Variants in SETD2 observed in about 807,000 individuals in gnomAD.
The protein encoded by SETD2 is histone-lysine N-methyltransferase SETD2.
A neutral mutation model predicts 242.1 loss-of-function variants in SETD2; 31 were observed. The observed-to-expected ratio is 0.13, with a 90% CI of 0.10 to 0.17. The LOEUF is 0.17. SETD2 is among the 10% of genes least tolerant of loss of function. SETD2 has a pLI of 1.00. For synonymous variants in SETD2, 1,006 were observed against 1,066.5 expected (o/e 0.94, Z 1.11); for missense variants, 2,481 against 3,046.3 (o/e 0.81, Z 4.37).
chr3:47,063,638 G>A (rs575572531), intron 13 of SETD2, among the ~76,000 whole-genome samples: 2 of 152,202 alleles, frequency 1.3e-5, no homozygotes, highest in East Asian at 3.9e-4. Context: ...CTCCAAAGCT[G>A]TCCTAAGTAC....
intron 15 of SETD2, among the ~76,000 whole-genome samples, chr3:47,053,015 C>T (rs1050297785): frequency 2.0e-5 from 3 of 151,790 alleles, no homozygotes; most frequent in Non-Finnish European, 4.4e-5. Context: ...TCAGCCTCCC[C>T]AGTAGCTGGT....
chr3:47,083,892 T>G lies in SETD2; in HGVS notation c.5888A>C (p.Lys1963Thr). 1 of 1,614,172 alleles carries G rather than the reference T, an allele frequency of 6.2e-7. No homozygotes were observed. The highest frequency in any genetic ancestry group is 8.5e-7 in the Non-Finnish European group (1 of 1,180,012). The part of the protein sequence containing the change: ...EPEADAEIEP[K>T]ESNGTKLEEP... The stretch of plus-strand genomic sequence containing the variant: ...TTCTAGTTTTGTGCCGTTGCTCTCT[T>G]TGGGCTCTATTTCAGCGTCAGCTTC... The change falls in exon 12 of 21, where the codon AAA becomes ACA. Residue 1963 changes from lysine to threonine, a missense_variant. By Grantham distance (78) the Lys-to-Thr change is moderately conservative. Coordinates refer to ENST00000409792, the MANE Select transcript of SETD2 (RefSeq NM_014159.7).
At position 47,123,852 on chromosome 3, in the gene SETD2, T is replaced by C. The variant is rs544730198; in HGVS notation, c.784A>G (p.Ser262Gly). The change falls in exon 3 of 21, where the codon AGT becomes GGT. Residue 262 changes from serine to glycine, a missense_variant. By Grantham distance (56) the Ser-to-Gly change is moderately conservative. Transcript: ENST00000409792. ...ATTTGAGTTACGTGTTCTTCTAAAC[T>C]ATTAGATATAGTGTCCTGCTTAGTA... ...ADTKQDTISNSLEEHVTQILN... is the reference protein window; with the variant it reads ...ADTKQDTISNGLEEHVTQILN... 6.4e-7 allele frequency: 1 copy of C among 1,550,574 alleles called. No individual in the cohort carries two copies. Among genetic ancestry groups the C allele is most frequent in the Non-Finnish European group, 8.7e-7 (1 of 1,145,880 alleles).
chr3:47,063,582 G>A (rs1194163601), intron 13 of SETD2, among the ~76,000 whole-genome samples: 5 of 152,106 alleles, frequency 3.3e-5, no homozygotes, highest in Admixed American at 6.5e-5. Flanking sequence ...ACCTAGAATC[G>A]TTCTTAATCT....
At chr3:47,091,567 A>T (rs773152596) in intron 9 of SETD2, among the ~76,000 whole-genome samples, 1 of 152,212 alleles carries the variant, frequency 6.6e-6, no homozygotes, top group African/African-American at 2.4e-5. Context: ...GTTCAAGACC[A>T]GCCTGGCCAA....
Position 47,123,785 on chromosome 3 carries a change from G to A in SETD2, c.851C>T (p.Ser284Phe), listed in dbSNP as rs2043208444. 2 of 1,547,512 alleles carry A rather than the reference G, an allele frequency of 1.3e-6. No homozygotes were observed. The highest frequency in any genetic ancestry group is 4.9e-5 in the East Asian group (2 of 40,894). The change falls in exon 3 of 21, where the codon TCC becomes TTC. Residue 284 changes from serine (S) to phenylalanine (F), a missense_variant. Physicochemically the swap from Ser to Phe is radical, Grantham distance 155 (BLOSUM62 -2). Around this residue, in one of 17 missense-constraint regions of SETD2, gnomAD observed 334 missense variants for 374.5 expected, o/e 0.89. Coordinates refer to ENST00000409792, the MANE Select transcript of SETD2 (RefSeq NM_014159.7). ...AATTTCTTCATCCTTCCCAATATGG[G>A]AATCTTCTTTTTTTGAGGAAATATC... The part of the protein sequence containing the change: ...QADISSKKED[S>F]HIGKDEEIPD...
intron 19 of SETD2, 140 bp downstream of exon 19, chr3:47,019,620 A>G (rs2107494330): frequency 2.9e-6 from 2 of 684,846 alleles, no homozygotes; most frequent in South Asian, 3.6e-5. Flanking sequence ...GAAGCACTTC[A>G]GCAAGACATA....
intron 12 of SETD2, among the ~76,000 whole-genome samples, chr3:47,083,221 C>T (rs903245537): frequency 6.6e-6 from 1 of 152,150 alleles, no homozygotes; most frequent in Admixed American, 6.5e-5. Flanking sequence ...TAAAAGCAGG[C>T]CCATTTCAGA....
At chr3:47,082,842 C>G (rs2041374561) in intron 12 of SETD2, among the ~76,000 whole-genome samples, 1 of 152,294 alleles carries the variant, frequency 6.6e-6, no homozygotes, top group East Asian at 1.9e-4. Flanking sequence ...GCTTTGTCAT[C>G]ATAATTAGGG....
chr3:47,117,292 A>C (rs756846256), intron 3 of SETD2, among the ~76,000 whole-genome samples: 3 of 151,836 alleles, frequency 2.0e-5, no homozygotes, highest in Non-Finnish European at 4.4e-5. Context: ...AAACAAAAAA[A>C]AAAACATGAG....
At chr3:47,035,117 T>G (rs537429702) in intron 18 of SETD2, among the ~76,000 whole-genome samples, 1 of 152,366 alleles carries the variant, frequency 6.6e-6, no homozygotes, top group Admixed American at 6.5e-5. Flanking sequence ...TCTCTTACAG[T>G]TGATCACAGA....
intron 18 of SETD2, among the ~76,000 whole-genome samples, chr3:47,027,564 T>C (rs146008124): frequency 0.35 from 52,913 of 151,320 alleles, 9,694 homozygotes; most frequent in Middle Eastern, 0.49. Flanking sequence ...AGTATAATAA[T>C]AATAAAATTT....
intron 12 of SETD2, among the ~76,000 whole-genome samples, chr3:47,078,519 C>CTTTTT (rs71098448): frequency 5.6e-5 from 4 of 71,282 alleles, no homozygotes; most frequent in Non-Finnish European, 7.6e-5. Flanking sequence ...GATTCTCAGC[C>CTTTTT]TTTTTTTTTT....
At chr3:47,126,727 G>A (rs1274836701) in intron 1 of SETD2, 64 bp from the exon 2 acceptor site, 10 of 949,718 alleles carry the variant, frequency 1.1e-5, no homozygotes, top group East Asian at 5.3e-5. Flanking sequence ...ACTTAAAAAC[G>A]ATTGAAATAA....
At chr3:47,118,492 C>A (rs1194537330) in intron 3 of SETD2, among the ~76,000 whole-genome samples, 1 of 151,860 alleles carries the variant, frequency 6.6e-6, no homozygotes, top group African/African-American at 2.4e-5. Context: ...GAGGCTGAGA[C>A]GGGCGGATCA....
intron 12 of SETD2, among the ~76,000 whole-genome samples, chr3:47,077,703 T>G (rs1342203235): frequency 1.3e-5 from 2 of 152,104 alleles, no homozygotes; most frequent in African/African-American, 4.8e-5. Flanking sequence ...CAAAAACATT[T>G]CCCAACGCGA....
rs1455286567 is a variant in SETD2 at position 47,121,641 on chromosome 3, C to T, written c.2995G>A (p.Val999Ile). The T allele has an allele frequency of 8.1e-6, 13 of 1,613,942 alleles. No individual in the cohort carries two copies. The East Asian group carries it at 2.7e-4, about 33-fold the overall frequency. Residue 999 changes from valine to isoleucine, a missense_variant, in exon 3 of 21, where the codon GTA (valine) becomes ATA (isoleucine). Val to Ile is a conservative substitution (Grantham distance 29). Coordinates refer to ENST00000409792, the MANE Select transcript of SETD2 (RefSeq NM_014159.7). Reference protein sequence around the residue: ...HVHTSDDSEVVFSSCDLNLTM... With the variant: ...HVHTSDDSEVIFSSCDLNLTM... ...AAATTCAAATCACAAGAAGAAAATA[C>T]AACTTCTGAGTCATCAGAAGTATGC...
intron 18 of SETD2, among the ~76,000 whole-genome samples, chr3:47,034,601 T>C (rs2038920738): frequency 6.6e-6 from 1 of 152,188 alleles, no homozygotes; most frequent in Admixed American, 6.5e-5. Context: ...AGTTCGAGGT[T>C]ACGGTAAGCT....
intron 9 of SETD2, among the ~76,000 whole-genome samples, chr3:47,093,857 TA>T (rs1163204630): frequency 3.9e-5 from 6 of 152,200 alleles, no homozygotes; most frequent in Admixed American, 2.0e-4. Context: ...GGTGAGAGTG[TA>T]AATAACATCT....
Sources: gnomAD v4.1 joint callset for allele counts (sites outside exome capture counted in the v4.1 genomes callset) on GRCh38, gnomAD v4.1.1 for gene constraint, gnomAD v4.1.1 regional missense constraint, MANE v1.5 for transcripts, NCBI Gene and HGNC (gene_info 2026-07-23, HGNC 2026-07-21) for gene names.